RAB3IL1: variants seen among roughly 807,000 people sequenced by gnomAD.
The protein encoded by RAB3IL1 is guanine nucleotide exchange factor for Rab-3A.
A neutral mutation model predicts 49.2 loss-of-function variants in RAB3IL1; 37 were observed. The observed-to-expected ratio is 0.75, with a 90% CI of 0.58 to 0.99. The LOEUF is 0.99. RAB3IL1 is among the 50% of genes least tolerant of loss of function. The pLI is 0.00. For synonymous variants in RAB3IL1, 193 were observed against 213.9 expected (o/e 0.90, Z 0.85); for missense variants, 484 against 513.0 (o/e 0.94, Z 0.55).
At chr11:61,939,981 T>C in the RAB3IL1 span, among the ~76,000 whole-genome samples, 1 of 145,650 alleles carries the variant, frequency 6.9e-6, no homozygotes, top group African/African-American at 2.5e-5. Context: ...GGAACGAAAG[T>C]AGAAAAATTA....
chr11:61,903,328 G>T (rs1939016462), intron 7 of RAB3IL1, among the ~76,000 whole-genome samples: 2 of 152,036 alleles, frequency 1.3e-5, no homozygotes, highest in African/African-American at 4.8e-5. Context: ...CAGAGCCAGG[G>T]CTCCTCCAAA....
intron 1 of RAB3IL1, among the ~76,000 whole-genome samples, chr11:61,916,078 G>T (rs900797343): frequency 6.6e-6 from 1 of 151,146 alleles, no homozygotes; most frequent in African/African-American, 2.4e-5. Context: ...GGGCGTGGTG[G>T]TAAAAGCCTG....
At chr11:61,925,795 G>A in the RAB3IL1 span, among the ~76,000 whole-genome samples, 1 of 152,080 alleles carries the variant, frequency 6.6e-6, no homozygotes, top group South Asian at 2.1e-4. Context: ...GAAAAAAAAA[G>A]TCTGGAAAGG....
the RAB3IL1 span, among the ~76,000 whole-genome samples, chr11:61,934,351 CATATGTATATATAT>C: frequency 2.2e-5 from 2 of 91,248 alleles, no homozygotes; most frequent in African/African-American, 3.3e-5. Flanking sequence ...CACACACACA[CATATGTATATATAT>C]ACACACAATA....
chr11:61,903,467 G>C (rs1485429613), intron 7 of RAB3IL1, among the ~76,000 whole-genome samples: 1 of 152,040 alleles, frequency 6.6e-6, no homozygotes, highest in East Asian at 1.9e-4. Context: ...GTTGCCTCCT[G>C]GTTCACTGGG....
chr11:61,913,395 G>C (rs1346985338), intron 1 of RAB3IL1, among the ~76,000 whole-genome samples: 1 of 152,176 alleles, frequency 6.6e-6, no homozygotes, highest in African/African-American at 2.4e-5. Flanking sequence ...GGGCACAACA[G>C]CATGTCCTAG....
intron 8 of RAB3IL1, among the ~76,000 whole-genome samples, chr11:61,901,582 G>C (rs1340522001): frequency 6.6e-6 from 1 of 152,226 alleles, no homozygotes; most frequent in Non-Finnish European, 1.5e-5. Context: ...ACATAAGGCT[G>C]CATCTCAGCC....
Position 61,899,874 on chromosome 11 carries a change from C to G in RAB3IL1, c.1000-494G>C, listed in dbSNP as rs531832172. On this transcript the variant is annotated intron_variant, in intron 8 of 9. Coordinates refer to ENST00000394836, the MANE Select transcript of RAB3IL1 (RefSeq NM_013401.4). Reference sequence around the variant, plus strand: ...AGGAAAGGGGGTCAGAAGCCGCTCACCTGGGCTGCCCGGGGCCCCTGGGGC... The same window carrying G: ...AGGAAAGGGGGTCAGAAGCCGCTCAGCTGGGCTGCCCGGGGCCCCTGGGGC... 9 of 161,452 alleles carry G rather than the reference C, an allele frequency of 5.6e-5. No individual in the cohort carries two copies. The East Asian group carries it at 1.6e-3, about 29-fold the overall frequency. The allele number at this position is 161,452 out of a possible 1,614,324, so 10.0% of individuals were successfully genotyped here. A position where few individuals can be genotyped will look rare whatever the true frequency, so the allele number is the denominator to read the frequency against.
chr11:61,916,345 C>CAA, intron 1 of RAB3IL1, among the ~76,000 whole-genome samples: 1 of 137,144 alleles, frequency 7.3e-6, no homozygotes, highest in East Asian at 2.1e-4. Flanking sequence ...GACTCCGTCT[C>CAA]AAAAAAAAAA....
In RAB3IL1 at chr11:61,898,324, T is replaced by A. The variant is rs150700132; in HGVS notation, c.1103A>T (p.Lys368Met). The part of the protein sequence containing the change: ...PMFWEIMRLR[K>M]EMSLAKLGFF... Reference sequence around the variant, plus strand: ...GCCGAGCTTGGCCAGTGACATCTCCTTCCGCAACCTCATGATCTCCCAGAA... The same window carrying A: ...GCCGAGCTTGGCCAGTGACATCTCCATCCGCAACCTCATGATCTCCCAGAA... The change falls in exon 10 of 10, where the codon AAG becomes ATG. Residue 368 changes from lysine (K) to methionine (M), a missense_variant. Lys to Met is a moderately conservative substitution (Grantham distance 95). Coordinates refer to ENST00000394836, the MANE Select transcript of RAB3IL1 (RefSeq NM_013401.4). The surrounding 1 kb of genome is among the most constrained non-coding windows in gnomAD (Gnocchi z 5.1). 6.2e-6 allele frequency: 10 copies of A among 1,613,452 alleles called. No individual in the cohort carries two copies. The African/African-American group carries it at 1.3e-4, about 22-fold the overall frequency.
In RAB3IL1 at chr11:61,898,364, C is replaced by T. The variant is rs1385734324; in HGVS notation, c.1067-4G>A. The T allele has an allele frequency of 1.2e-6, 2 of 1,612,526 alleles. No homozygotes were observed. Among genetic ancestry groups the T allele is most frequent in the Non-Finnish European group, 1.7e-6 (2 of 1,179,278 alleles). On this transcript the variant is annotated splice_polypyrimidine_tract_variant and splice_region_variant and intron_variant, in intron 9 of 9. Transcript: ENST00000394836. The surrounding 1 kb of genome is among the most constrained non-coding windows in gnomAD (Gnocchi z 5.1). ...ATCTCCCAGAACATGGGCTCTGCTG[C>T]AGGCAGAGAGAGGGTGAACAGGTCG...
intron 1 of RAB3IL1, among the ~76,000 whole-genome samples, chr11:61,909,038 A>T (rs1939344722): frequency 6.6e-6 from 1 of 151,302 alleles, no homozygotes; most frequent in African/African-American, 2.4e-5. Flanking sequence ...CCCCACCCAC[A>T]CTCTCCACTC....
chr11:61,898,148 G>C lies in RAB3IL1; in HGVS notation c.*130C>G. ...GGTGCTGGCTCAGTGCTGCCTCCAT[G>C]GCCTGTCTGTCCATCCATTCTGCCT... is the stretch of plus-strand genomic sequence containing the variant. On this transcript the variant is annotated 3_prime_UTR_variant, in exon 10 of 10. Transcript: ENST00000394836. The surrounding 1 kb of genome is among the most constrained non-coding windows in gnomAD (Gnocchi z 5.1). The C allele has an allele frequency of 1.2e-6, 1 of 821,674 alleles. No individual in the cohort carries two copies. Among genetic ancestry groups the C allele is most frequent in the Non-Finnish European group, 2.0e-6 (1 of 498,686 alleles). 50.9% of individuals were successfully genotyped at this position (821,674 alleles called of 1,614,324 possible). A position where few individuals can be genotyped will look rare whatever the true frequency, so the allele number is the denominator to read the frequency against.
chr11:61,899,892 C>T (rs1333152732), intron 8 of RAB3IL1, among the ~76,000 whole-genome samples: 1 of 152,242 alleles, frequency 6.6e-6, no homozygotes, highest in Non-Finnish European at 1.5e-5. Flanking sequence ...GCCCGGGGCC[C>T]CTGGGGCCTC....
chr11:61,934,416 A>G, the RAB3IL1 span, among the ~76,000 whole-genome samples: 2 of 93,666 alleles, frequency 2.1e-5, no homozygotes, highest in African/African-American at 3.9e-5. Context: ...ATATATACAT[A>G]TATATGTGTA....
chr11:61,915,988 C>T (rs1490065401), intron 1 of RAB3IL1, among the ~76,000 whole-genome samples: 2 of 149,526 alleles, frequency 1.3e-5, no homozygotes, highest in Admixed American at 6.7e-5. Context: ...CACTGAGCCG[C>T]GCCACTGCAC....
chr11:61,921,701 G>A (rs773960143), upstream of RAB3IL1, among the ~76,000 whole-genome samples: 9 of 152,228 alleles, frequency 5.9e-5, no homozygotes, highest in African/African-American at 2.2e-4. Context: ...ACCTTGCCTG[G>A]TACACAGACT....
At chr11:61,937,641 A>G in the RAB3IL1 span, among the ~76,000 whole-genome samples, 1 of 152,136 alleles carries the variant, frequency 6.6e-6, no homozygotes, top group Non-Finnish European at 1.5e-5. Flanking sequence ...GAAAATAACT[A>G]AAAGAAAAGA....
the RAB3IL1 span, among the ~76,000 whole-genome samples, chr11:61,926,814 A>G: frequency 6.6e-6 from 1 of 151,888 alleles, no homozygotes; most frequent in South Asian, 2.1e-4. Context: ...CGGCCTCCCA[A>G]AGTGCTGGAA....
Sources: gnomAD v4.1 joint callset for allele counts (sites outside exome capture counted in the v4.1 genomes callset) on GRCh38, gnomAD v4.1.1 for gene constraint, Gnocchi (gnomAD v3.1) non-coding constraint, MANE v1.5 for transcripts, NCBI Gene and HGNC (gene_info 2026-07-23, HGNC 2026-07-21) for gene names.